The following NUDT3 variants were observed in gnomAD, a reference collection of about 807,000 sequenced individuals.
NUDT3 encodes the protein nudix hydrolase 3, also known as diphosphoinositol polyphosphate phosphohydrolase 1.
NUDT3 carries 9 observed loss-of-function variants against 23.6 expected under a neutral mutation model. That is an observed-to-expected ratio of 0.38 (90% CI 0.23 to 0.66). NUDT3 has a LOEUF of 0.66. NUDT3 is among the 30% of genes least tolerant of loss of function. The pLI, the probability that NUDT3 is intolerant of heterozygous loss-of-function variation, is 0.52. For synonymous variants in NUDT3, 86 were observed against 82.6 expected (o/e 1.04, Z -0.22); for missense variants, 172 against 218.5 (o/e 0.79, Z 1.34).
intron 1 of NUDT3, among the ~76,000 whole-genome samples, chr6:34,366,081 G>T (rs530180575): frequency 6.6e-6 from 1 of 150,772 alleles, no homozygotes; most frequent in African/African-American, 2.4e-5. Context: ...TTTTTAAAAA[G>T]TAAGTAGAAT....
intron 1 of NUDT3, among the ~76,000 whole-genome samples, chr6:34,359,347 T>TG (rs1410692944): frequency 1.3e-5 from 2 of 152,140 alleles, no homozygotes; most frequent in Non-Finnish European, 2.9e-5. Flanking sequence ...CACTCCAGCC[T>TG]GGGGGACAAG....
At chr6:34,297,726 AAAAAATATATAT>A (rs1402540844) in intron 2 of NUDT3, among the ~76,000 whole-genome samples, 1 of 42,496 alleles carries the variant, frequency 2.4e-5, no homozygotes, top group African/African-American at 1.5e-4. Context: ...TGTAAAAAAA[AAAAAATATATAT>A]ATATATATAT....
Position 34,306,884 on chromosome 6 carries a change from TTTAAA to T in NUDT3, c.211-11204_211-11200del, listed in dbSNP as rs1486038569. 4.6e-5 allele frequency among the ~76,000 whole-genome samples: 7 copies of T among 152,358 alleles called. No homozygotes were observed. The East Asian group carries it at 7.7e-4, about 17-fold the overall frequency. On this transcript the variant is annotated intron_variant, in intron 2 of 4. Transcript: ENST00000607016. The stretch of plus-strand genomic sequence containing the variant: ...AAAAGTGTGCTAACAGCAAAATACC[TTTAAA>T]TTAGTCAATTTAAAATATCAGTTCC...
intron 2 of NUDT3, among the ~76,000 whole-genome samples, chr6:34,309,701 C>G (rs76869973): frequency 0.11 from 16,154 of 151,560 alleles, 922 homozygotes; most frequent in Non-Finnish European, 0.12. Flanking sequence ...TCTTCAGCCA[C>G]GCTAATTAAG....
intron 2 of NUDT3, among the ~76,000 whole-genome samples, chr6:34,318,632 C>A (rs1763895274): frequency 6.6e-6 from 1 of 152,176 alleles, no homozygotes; most frequent in African/African-American, 2.4e-5. Context: ...ATATTTGACA[C>A]AACCATTCTC....
intron 2 of NUDT3, among the ~76,000 whole-genome samples, chr6:34,298,853 C>T (rs1470511946): frequency 1.3e-5 from 2 of 152,120 alleles, no homozygotes; most frequent in African/African-American, 4.8e-5. Context: ...TAGTATAAAG[C>T]AAATAAATAT....
chr6:34,390,992 C>T (rs1765190076), intron 1 of NUDT3, among the ~76,000 whole-genome samples: 1 of 152,160 alleles, frequency 6.6e-6, no homozygotes, highest in Non-Finnish European at 1.5e-5. Flanking sequence ...TGGTAGGATA[C>T]AAAGCATACG....
rs116510826 is a variant in NUDT3, at chr6:34,296,016, C to G, written c.211-331G>C. The stretch of plus-strand genomic sequence containing the variant: ...GGTATTGATTACTTCAGGCCAGGCA[C>G]TGCCACTCTGGGAGGCTGAATTGGG... On this transcript the variant is annotated intron_variant, in intron 2 of 4. Coordinates refer to ENST00000607016, the MANE Select transcript of NUDT3 (RefSeq NM_006703.4). 9.4e-3 allele frequency among the ~76,000 whole-genome samples: 1,425 copies of G among 152,322 alleles called. 17 individuals carry two copies. Among genetic ancestry groups the G allele is most frequent in the African/African-American group, 0.029 (1,217 of 41,564 alleles).
At chr6:34,311,697 C>T (rs574013611) in intron 2 of NUDT3, among the ~76,000 whole-genome samples, 15 of 152,282 alleles carry the variant, frequency 9.9e-5, no homozygotes, top group African/African-American at 3.4e-4. Context: ...GTAATCAAGA[C>T]AGTGTGGTTT....
chr6:34,294,416 C>T (rs987532216), intron 3 of NUDT3, among the ~76,000 whole-genome samples: 2 of 151,986 alleles, frequency 1.3e-5, no homozygotes, highest in Non-Finnish European at 2.9e-5. Context: ...GCCACAGTGC[C>T]CAGCCACCTT....
At chr6:34,311,232 T>C (rs992993905) in intron 2 of NUDT3, among the ~76,000 whole-genome samples, 1 of 152,212 alleles carries the variant, frequency 6.6e-6, no homozygotes, top group Non-Finnish European at 1.5e-5. Flanking sequence ...AGCTTGTTTT[T>C]AGGCTGCAAG....
chr6:34,338,897 G>A (rs534515863), intron 2 of NUDT3, among the ~76,000 whole-genome samples: 1 of 152,326 alleles, frequency 6.6e-6, no homozygotes, highest in Admixed American at 6.5e-5. Context: ...AATCCAACTT[G>A]ATTAGTTTAA....
chr6:34,353,897 A>T (rs1443509052), intron 1 of NUDT3, among the ~76,000 whole-genome samples: 1 of 150,566 alleles, frequency 6.6e-6, no homozygotes, highest in East Asian at 1.9e-4. Context: ...GGGTTTCGCC[A>T]TGTTGCCCAG....
In NUDT3 at chr6:34,339,625, G is replaced by A. The variant is rs182801805; in HGVS notation, c.210+2237C>T. Among the ~76,000 whole-genome samples, 20 of 152,236 alleles carry A rather than the reference G, an allele frequency of 1.3e-4. No individual in the cohort carries two copies. The East Asian group carries it at 3.1e-3, about 23-fold the overall frequency. On this transcript the variant is annotated intron_variant, in intron 2 of 4. Transcript: ENST00000607016. The stretch of plus-strand genomic sequence containing the variant: ...CAGGGATTATCTATGGTTCACCACC[G>A]TTTTTATAAATAAGGCTTCACTGGA...
chr6:34,297,731 A>AATATATATATATATATC (rs1554149026), intron 2 of NUDT3, among the ~76,000 whole-genome samples: 1 of 26,562 alleles, frequency 3.8e-5, no homozygotes, highest in Non-Finnish European at 6.4e-5. Context: ...AAAAAAAAAA[A>AATATATATATATATATC]TATATATATA....
chr6:34,311,621 T>A (rs1187791580), intron 2 of NUDT3, among the ~76,000 whole-genome samples: 1 of 152,158 alleles, frequency 6.6e-6, no homozygotes, highest in Non-Finnish European at 1.5e-5. Flanking sequence ...GACAGTCAAC[T>A]CGTTAAGAAA....
chr6:34,315,557 T>A (rs1227832025), intron 2 of NUDT3, among the ~76,000 whole-genome samples: 1 of 152,204 alleles, frequency 6.6e-6, no homozygotes, highest in East Asian at 1.9e-4. Context: ...TAAATTTTTT[T>A]AAGACAGAGC....
intron 2 of NUDT3, among the ~76,000 whole-genome samples, chr6:34,340,926 A>C (rs936259525): frequency 6.6e-6 from 1 of 152,244 alleles, no homozygotes; most frequent in African/African-American, 2.4e-5. Context: ...TGGATATTCC[A>C]AGGGTAAGAT....
At chr6:34,303,978 C>T (rs1319859782) in intron 2 of NUDT3, among the ~76,000 whole-genome samples, 1 of 152,152 alleles carries the variant, frequency 6.6e-6, no homozygotes, top group Non-Finnish European at 1.5e-5. Flanking sequence ...CGAGGCCAGG[C>T]GCAGTGGCTC....
Sources: gnomAD v4.1 joint callset for allele counts (sites outside exome capture counted in the v4.1 genomes callset) on GRCh38, gnomAD v4.1.1 for gene constraint, MANE v1.5 for transcripts, NCBI Gene and HGNC (gene_info 2026-07-23, HGNC 2026-07-21) for gene names.